The following MRPL48 variants were observed in gnomAD, a reference collection of about 807,000 sequenced individuals.
The protein encoded by MRPL48 is mitochondrial ribosomal protein L48.
MRPL48 carries 16 observed loss-of-function variants against 32.9 expected under a neutral mutation model. The ratio of observed to expected loss-of-function variants is 0.49; its 90% CI spans 0.33 to 0.74. The LOEUF is 0.74. Ranked by LOEUF, MRPL48 falls within the 30% of genes least tolerant of loss-of-function variation. The probability of loss-of-function intolerance (pLI) is 0.02; values close to 1 mark genes in which losing one functional copy is unlikely to be tolerated. For synonymous variants in MRPL48, 94 were observed against 89.2 expected (o/e 1.05, Z -0.31); for missense variants, 206 against 245.3 (o/e 0.84, Z 1.07).
chr11:73,788,207 C>G (rs979316545), intron 1 of MRPL48, among the ~76,000 whole-genome samples: 1 of 152,034 alleles, frequency 6.6e-6, no homozygotes, highest in Non-Finnish European at 1.5e-5. Flanking sequence ...TCTGCCGAGC[C>G]GACCCGTGCC....
chr11:73,792,392 T>A (rs1947168073), intron 1 of MRPL48, among the ~76,000 whole-genome samples: 1 of 151,974 alleles, frequency 6.6e-6, no homozygotes, highest in South Asian at 2.1e-4. Context: ...ACCACAAGGG[T>A]ATGGTTAGGG....
At chr11:73,860,074 T>C (rs1948557502) in intron 6 of MRPL48, 65 bp downstream of exon 6, 3 of 1,346,144 alleles carry the variant, frequency 2.2e-6, no homozygotes, top group Non-Finnish European at 3.1e-6. Context: ...GTCCACTTTT[T>C]CACTTTCTAT....
chr11:73,821,327 A>G (rs1375192048), intron 3 of MRPL48, among the ~76,000 whole-genome samples: 1 of 152,124 alleles, frequency 6.6e-6, no homozygotes, highest in Non-Finnish European at 1.5e-5. Context: ...CTTTGTGACT[A>G]TTAGTCTAAT....
intron 3 of MRPL48, among the ~76,000 whole-genome samples, chr11:73,816,935 C>T (rs927805799): frequency 1.3e-5 from 2 of 151,852 alleles, no homozygotes; most frequent in African/African-American, 4.8e-5. Flanking sequence ...AAGTGATTCT[C>T]CTGCCTCAGC....
intron 4 of MRPL48, among the ~76,000 whole-genome samples, chr11:73,838,931 C>T (rs995773394): frequency 4.6e-5 from 7 of 152,136 alleles, no homozygotes; most frequent in African/African-American, 1.7e-4. Context: ...AGAACCAGGA[C>T]AAAAGCATCT....
At chr11:73,839,877 C>T (rs1391817718) in intron 4 of MRPL48, among the ~76,000 whole-genome samples, 2 of 152,104 alleles carry the variant, frequency 1.3e-5, no homozygotes, top group African/African-American at 2.4e-5. Flanking sequence ...GTGGAAGGAT[C>T]GCTTGAGGTC....
chr11:73,822,050 A>G (rs1183377540), intron 3 of MRPL48, among the ~76,000 whole-genome samples: 2 of 152,138 alleles, frequency 1.3e-5, no homozygotes, highest in Non-Finnish European at 2.9e-5. Context: ...TTTGGATATC[A>G]GCTCCATGGG....
At chr11:73,792,405 G>A (rs185472009) in intron 1 of MRPL48, among the ~76,000 whole-genome samples, 2 of 152,342 alleles carry the variant, frequency 1.3e-5, no homozygotes, top group African/African-American at 4.8e-5. Context: ...GGTTAGGGGA[G>A]ACTCTGTGAT....
chr11:73,853,610 T>G (rs1948436306), intron 5 of MRPL48, among the ~76,000 whole-genome samples: 1 of 151,498 alleles, frequency 6.6e-6, no homozygotes, highest in Non-Finnish European at 1.5e-5. Context: ...TTGTAAACAT[T>G]CTGTTACTAA....
At chr11:73,859,858 C>T (rs1948552791) in intron 5 of MRPL48, 49 bp from the exon 6 acceptor site, 2 of 1,502,434 alleles carry the variant, frequency 1.3e-6, no homozygotes, top group Non-Finnish European at 1.8e-6. Flanking sequence ...ATTGAAGTGG[C>T]TGCTGGCTTC....
At chr11:73,844,707 AAATTT>A in intron 4 of MRPL48, 95 bp from the exon 5 acceptor site, 1 of 1,376,728 alleles carries the variant, frequency 7.3e-7, no homozygotes, top group East Asian at 2.6e-5. Flanking sequence ...AAATGTGAAC[AAATTT>A]ATTAGAAAGA....
chr11:73,847,666 A>C lies in MRPL48; in HGVS notation c.371+2690A>C, dbSNP rs192460781. On this transcript the variant is annotated intron_variant, in intron 5 of 7. Coordinates refer to ENST00000310614, the MANE Select transcript of MRPL48 (RefSeq NM_016055.6). ...TCACCGTGTTAGCCAGGATGGTCTCAATCTCCTGACCTCGTGATCTGCCCG... is the reference window on the plus strand; with the variant it reads ...TCACCGTGTTAGCCAGGATGGTCTCCATCTCCTGACCTCGTGATCTGCCCG... Among the ~76,000 whole-genome samples the C allele has an allele frequency of 5.4e-3, 817 of 152,192 alleles. 8 individuals are homozygous for C. The highest frequency in any genetic ancestry group is 0.018 in the African/African-American group (739 of 41,540).
At chr11:73,796,091 A>C (rs1415998310) in intron 1 of MRPL48, among the ~76,000 whole-genome samples, 1 of 152,250 alleles carries the variant, frequency 6.6e-6, no homozygotes, top group Non-Finnish European at 1.5e-5. Context: ...GGCCAGAGCC[A>C]GTCAGAGCCA....
intron 7 of MRPL48, among the ~76,000 whole-genome samples, chr11:73,863,695 A>G (rs1244806022): frequency 6.6e-6 from 1 of 152,266 alleles, no homozygotes; most frequent in Non-Finnish European, 1.5e-5. Context: ...GCTAGTCAAT[A>G]GAATGTTTGG....
intron 1 of MRPL48, among the ~76,000 whole-genome samples, chr11:73,796,538 T>C (rs998692360): frequency 1.2e-4 from 19 of 152,238 alleles, no homozygotes; most frequent in African/African-American, 4.6e-4. Flanking sequence ...GGCCTGCCCG[T>C]GCCCCTTGGC....
intron 5 of MRPL48, among the ~76,000 whole-genome samples, chr11:73,858,883 A>G (rs1186556606): frequency 6.6e-6 from 1 of 152,228 alleles, no homozygotes; most frequent in Non-Finnish European, 1.5e-5. Context: ...AATATTGCTA[A>G]TAAGTAGCAG....
At chr11:73,853,158 T>C (rs2135073138) in intron 5 of MRPL48, among the ~76,000 whole-genome samples, 1 of 152,110 alleles carries the variant, frequency 6.6e-6, no homozygotes, top group South Asian at 2.1e-4. Context: ...AATAGAAAGA[T>C]TGAATAAGAT....
chr11:73,806,195 A>G (rs1198236144), intron 2 of MRPL48, among the ~76,000 whole-genome samples: 2 of 152,014 alleles, frequency 1.3e-5, no homozygotes, highest in African/African-American at 4.8e-5. Context: ...CTTTGCTCCA[A>G]ATTCTCCAGT....
chr11:73,850,678 ATTTTT>A, intron 5 of MRPL48: 3 of 185,224 alleles, frequency 1.6e-5, no homozygotes, highest in Admixed American at 6.4e-5. Context: ...GGGCTATACA[ATTTTT>A]TTTTTTTTTT....
Sources: gnomAD v4.1 joint callset for allele counts (sites outside exome capture counted in the v4.1 genomes callset) on GRCh38, gnomAD v4.1.1 for gene constraint, MANE v1.5 for transcripts, NCBI Gene and HGNC (gene_info 2026-07-23, HGNC 2026-07-21) for gene names.